The following FSIP1 variants were observed in gnomAD, a reference collection of about 807,000 sequenced individuals.
FSIP1 encodes the protein fibrous sheath interacting protein 1, also known as fibrous sheath-interacting protein 1.
A neutral mutation model predicts 60.9 loss-of-function variants in FSIP1; 65 were observed. That is an observed-to-expected ratio of 1.07 (90% CI 0.87 to 1.31). The LOEUF is 1.31. Among genes scored for constraint, FSIP1 ranks in the 40% most tolerant of loss-of-function variants. The pLI, the probability that FSIP1 is intolerant of heterozygous loss-of-function variation, is 0.00. For synonymous variants in FSIP1, 209 were observed against 221.2 expected (o/e 0.94, Z 0.49); for missense variants, 675 against 665.5 (o/e 1.01, Z -0.16).
intron 10 of FSIP1, among the ~76,000 whole-genome samples, chr15:39,671,147 G>A (rs1893703342): frequency 1.3e-5 from 2 of 152,122 alleles, no homozygotes; most frequent in African/African-American, 4.8e-5. Context: ...ATCGCTTTTT[G>A]AGCATTTTAT....
chr15:39,712,637 C>T (rs770164073), intron 10 of FSIP1, among the ~76,000 whole-genome samples: 34 of 152,166 alleles, frequency 2.2e-4, no homozygotes, highest in Non-Finnish European at 4.1e-4. Flanking sequence ...ATCACAAGCT[C>T]AGCCTTGACA....
Position 39,713,588 on chromosome 15 carries a change from T to TAAA in FSIP1, c.1051-10_1051-8dup. ...CACCATCACGGTCAGGTTTCTAATT[T>TAAA]AAAGAAAAAAAAAAAACATCATTCA... On this transcript the variant is annotated splice_polypyrimidine_tract_variant and splice_region_variant and intron_variant, in intron 9 of 11. Coordinates refer to ENST00000350221, the MANE Select transcript of FSIP1 (RefSeq NM_152597.5). The TAAA allele has an allele frequency of 6.4e-7, 1 of 1,563,940 alleles. No homozygotes were observed. The highest frequency in any genetic ancestry group is 1.2e-5 in the South Asian group (1 of 83,432).
At chr15:39,659,626 T>TAAAAA (rs150262830) in intron 10 of FSIP1, among the ~76,000 whole-genome samples, 15 of 133,770 alleles carry the variant, frequency 1.1e-4, no homozygotes, top group Non-Finnish European at 1.9e-4. Context: ...AGCTGTTATT[T>TAAAAA]TAAAAAAAAA....
chr15:39,694,746 G>C (rs1340528785), intron 10 of FSIP1, among the ~76,000 whole-genome samples: 1 of 151,712 alleles, frequency 6.6e-6, no homozygotes, highest in Non-Finnish European at 1.5e-5. Flanking sequence ...GTTGCAGTGA[G>C]CCGAGATCAC....
rs376620735 is a variant in FSIP1 at position 39,641,445 on chromosome 15, G to T, written c.1189-23200C>A. Among the ~76,000 whole-genome samples the T allele has an allele frequency of 3.9e-5, 6 of 152,094 alleles. No homozygotes were observed. In the South Asian group the frequency reaches 8.3e-4, roughly 21 times the overall value. On this transcript the variant is annotated intron_variant, in intron 10 of 11. Coordinates refer to ENST00000350221, the MANE Select transcript of FSIP1 (RefSeq NM_152597.5). ...GGATGCCTGTCATTTGCCTCTCATC[G>T]CATAGTAACCAGCTGTATAAGTAAG...
intron 8 of FSIP1, among the ~76,000 whole-genome samples, chr15:39,731,808 A>G (rs185508864): frequency 5.8e-4 from 89 of 152,288 alleles, no homozygotes; most frequent in Admixed American, 3.1e-3. Context: ...ATACTACTAG[A>G]TGTGAGTGAC....
chr15:39,685,405 A>G (rs1894324887), intron 10 of FSIP1, among the ~76,000 whole-genome samples: 1 of 152,214 alleles, frequency 6.6e-6, no homozygotes, highest in Non-Finnish European at 1.5e-5. Context: ...TATCTCAGTG[A>G]AAGTCCTTTC....
At chr15:39,622,949 C>G (rs927521984) in intron 10 of FSIP1, among the ~76,000 whole-genome samples, 1 of 151,956 alleles carries the variant, frequency 6.6e-6, no homozygotes, top group Admixed American at 6.5e-5. Context: ...TTTGTGTGTA[C>G]GTTTTATGCA....
At chr15:39,620,512 A>T (rs1595538877) in intron 10 of FSIP1, among the ~76,000 whole-genome samples, 1 of 152,044 alleles carries the variant, frequency 6.6e-6, no homozygotes, top group East Asian at 1.9e-4. Context: ...TGCCATTTTT[A>T]TTTAAAACAT....
At chr15:39,606,100 T>C (rs1326024308) in intron 11 of FSIP1, among the ~76,000 whole-genome samples, 1 of 152,206 alleles carries the variant, frequency 6.6e-6, no homozygotes, top group Non-Finnish European at 1.5e-5. Context: ...CTCCCTTAAT[T>C]TGGTCCTTTG....
intron 10 of FSIP1, among the ~76,000 whole-genome samples, chr15:39,633,091 C>CGTTTTTTTTTTTTT (rs1329095029): frequency 8.9e-6 from 1 of 112,866 alleles, no homozygotes; most frequent in African/African-American, 3.7e-5. Flanking sequence ...GGCTATACTT[C>CGTTTTTTTTTTTTT]TTTTTTTTTT....
intron 9 of FSIP1, among the ~76,000 whole-genome samples, chr15:39,716,103 A>G (rs1239097177): frequency 6.6e-6 from 1 of 152,194 alleles, no homozygotes; most frequent in Non-Finnish European, 1.5e-5. Flanking sequence ...ATTATCAGAA[A>G]TATTTTTTAA....
At chr15:39,674,566 G>A (rs540264987) in intron 10 of FSIP1, among the ~76,000 whole-genome samples, 1 of 149,064 alleles carries the variant, frequency 6.7e-6, no homozygotes, top group Admixed American at 6.9e-5. Flanking sequence ...TGGAGTAGAA[G>A]AGGGCCCAGA....
intron 10 of FSIP1, among the ~76,000 whole-genome samples, chr15:39,693,639 A>T (rs1208513714): frequency 6.6e-6 from 1 of 152,218 alleles, no homozygotes; most frequent in African/African-American, 2.4e-5. Flanking sequence ...TTGAATATCA[A>T]CTCTGCTAAG....
chr15:39,681,961 G>A (rs977567101), intron 10 of FSIP1, among the ~76,000 whole-genome samples: 7 of 152,182 alleles, frequency 4.6e-5, no homozygotes, highest in African/African-American at 1.7e-4. Context: ...TTCACAAAAT[G>A]AATTGTGTGT....
chr15:39,720,587 C>A (rs1895916750), intron 9 of FSIP1, among the ~76,000 whole-genome samples: 1 of 152,044 alleles, frequency 6.6e-6, no homozygotes, highest in South Asian at 2.1e-4. Flanking sequence ...TATATAACAG[C>A]CAAATGGAAT....
At position 39,656,083 on chromosome 15, in the gene FSIP1, G is replaced by A. The variant is rs190809607; in HGVS notation, c.1189-37838C>T. Among the ~76,000 whole-genome samples the A allele has an allele frequency of 3.9e-5, 6 of 152,224 alleles. No homozygotes were observed. In the East Asian group the frequency reaches 1.2e-3, roughly 29 times the overall value. ...AAACATCTGTACACAGAGAGGGGAA[G>A]ACATGAATAGGTTTGAACCCTAAAA... On this transcript the variant is annotated intron_variant, in intron 10 of 11. Coordinates refer to ENST00000350221, the MANE Select transcript of FSIP1 (RefSeq NM_152597.5).
chr15:39,643,533 G>C (rs1424438817), intron 10 of FSIP1, among the ~76,000 whole-genome samples: 1 of 152,138 alleles, frequency 6.6e-6, no homozygotes, highest in Non-Finnish European at 1.5e-5. Flanking sequence ...ATAAAAGATG[G>C]AGAAACAAAT....
At chr15:39,678,611 T>C (rs2140482439) in intron 10 of FSIP1, among the ~76,000 whole-genome samples, 1 of 152,246 alleles carries the variant, frequency 6.6e-6, no homozygotes, top group East Asian at 1.9e-4. Flanking sequence ...AGAAAACAAA[T>C]ACAGTTGTTT....
Sources: allele counts gnomAD v4.1 joint callset (sites outside exome capture counted in the v4.1 genomes callset), GRCh38; gene constraint gnomAD v4.1.1; transcripts MANE v1.5; gene names NCBI Gene and HGNC (gene_info 2026-07-23, HGNC 2026-07-21).